The following CDH3 variants were observed in gnomAD, a reference collection of about 807,000 sequenced individuals.
CDH3 encodes cadherin 3.
Under a neutral mutation model 82.0 loss-of-function variants are expected in CDH3, and 54 were observed. The ratio of observed to expected loss-of-function variants is 0.66; its 90% CI spans 0.53 to 0.83. CDH3 has a LOEUF of 0.83. CDH3 is among the 40% of genes least tolerant of loss of function. The pLI, the probability that CDH3 is intolerant of heterozygous loss-of-function variation, is 0.00. For synonymous variants in CDH3, 446 were observed against 437.9 expected (o/e 1.02, Z -0.23); for missense variants, 1,054 against 1,084.6 (o/e 0.97, Z 0.40).
At chr16:68,673,539 GC>G (rs1476521577) in intron 2 of CDH3, among the ~76,000 whole-genome samples, 1 of 151,172 alleles carries the variant, frequency 6.6e-6, no homozygotes, top group East Asian at 1.9e-4. Context: ...GCTCACTGCA[GC>G]TTCAAACTCA....
chr16:68,729,789 A>G (rs1597833670), downstream of CDH3, among the ~76,000 whole-genome samples: 1 of 150,070 alleles, frequency 6.7e-6, no homozygotes, highest in African/African-American at 2.4e-5. Context: ...GCGCCACCAC[A>G]CCAGGCTATT....
At chr16:68,717,761 G>A (rs1323542329) in intron 1 of CDH3, among the ~76,000 whole-genome samples, 11 of 148,288 alleles carry the variant, frequency 7.4e-5, no homozygotes, top group East Asian at 4.0e-4. Context: ...GGATAAGAGC[G>A]AGACATCCTC....
intron 1 of CDH3, among the ~76,000 whole-genome samples, chr16:68,721,422 C>T (rs957432995): frequency 1.1e-4 from 16 of 151,544 alleles, no homozygotes; most frequent in African/African-American, 3.6e-4. Flanking sequence ...TTAGTAGAGA[C>T]GGGGTTTCAC....
At chr16:68,724,052 G>C (rs1198392123) in intron 2 of CDH3, among the ~76,000 whole-genome samples, 3 of 137,002 alleles carry the variant, frequency 2.2e-5, no homozygotes, top group Non-Finnish European at 4.6e-5. Context: ...CTGGGCGACA[G>C]AGCGAGACTC....
intron 2 of CDH3, chr16:68,651,596 C>T: frequency 2.0e-6 from 1 of 504,566 alleles, no homozygotes; most frequent in Non-Finnish European, 3.9e-6. Flanking sequence ...GAGACACCTG[C>T]ACCTGCATCA....
intron 1 of CDH3, among the ~76,000 whole-genome samples, chr16:68,721,522 C>T (rs908877550): frequency 4.6e-5 from 7 of 152,128 alleles, no homozygotes; most frequent in African/African-American, 1.4e-4. Context: ...GCATGAGCCA[C>T]CGCACCCGGC....
rs1216700060 is a variant in CDH3, at chr16:68,676,489, C to T, written c.246+19C>T. The T allele has an allele frequency of 6.3e-7, 1 of 1,580,108 alleles. No individual in the cohort carries two copies. The highest frequency in any genetic ancestry group is 8.7e-7 in the Non-Finnish European group (1 of 1,148,894). ...AGTCCAGGTAAAATACCATGTCCACCTGCAGGACAAAAGAAAGATGTTCTC... is the reference window on the plus strand; with the variant it reads ...AGTCCAGGTAAAATACCATGTCCACTTGCAGGACAAAAGAAAGATGTTCTC... On this transcript the variant is annotated intron_variant, in intron 3 of 15. Coordinates refer to ENST00000264012, the MANE Select transcript of CDH3 (RefSeq NM_001793.6).
chr16:68,732,932 C>A, the CDH3 span, among the ~76,000 whole-genome samples: 16 of 149,658 alleles, frequency 1.1e-4, no homozygotes, highest in East Asian at 3.0e-3. Flanking sequence ...CAAGAGATAA[C>A]CTGAGGAGCT....
Position 68,681,180 on chromosome 16 carries a change from A to C in CDH3, c.996+84A>C, listed in dbSNP as rs534998167. 6.2e-6 allele frequency: 9 copies of C among 1,444,422 alleles called. No homozygotes were observed. In the Admixed American group the frequency reaches 1.3e-4, roughly 22 times the overall value. 89.5% of individuals were successfully genotyped at this position (1,444,422 alleles called of 1,614,324 possible). ...TCTCAGGAAACTGGAACCAGTCTAT[A>C]TTGCTTCAAATGCCAGTCTCAGCAC... On this transcript the variant is annotated intron_variant, in intron 8 of 15. Transcript: ENST00000264012.
At chr16:68,703,271 G>A (rs533905106), downstream of CDH3, among the ~76,000 whole-genome samples, 21 of 152,266 alleles carry the variant, frequency 1.4e-4, no homozygotes, top group African/African-American at 3.8e-4. Flanking sequence ...CTGGGGCCCC[G>A]AATTCCCGGC....
intron 2 of CDH3, among the ~76,000 whole-genome samples, chr16:68,656,196 C>T (rs1960405515): frequency 1.3e-5 from 2 of 151,982 alleles, no homozygotes; most frequent in South Asian, 4.1e-4. Flanking sequence ...TTGGGGAAAT[C>T]CCAGTTGTAC....
intron 6 of CDH3, among the ~76,000 whole-genome samples, chr16:68,679,396 G>A (rs1961138947): frequency 6.6e-6 from 1 of 152,218 alleles, no homozygotes; most frequent in African/African-American, 2.4e-5. Context: ...TGGAGTGTTA[G>A]AACATGGCTG....
rs201299701 is a variant in CDH3, at chr16:68,678,313, C to T, written c.390+36C>T. On this transcript the variant is annotated intron_variant, in intron 4 of 15. Coordinates refer to ENST00000264012, the MANE Select transcript of CDH3 (RefSeq NM_001793.6). The stretch of plus-strand genomic sequence containing the variant: ...GCCTTCTCCTGGGAAGCATTGGTGG[C>T]TCCAGGGACCCCCATCCAAAGGCCT... 1.7e-3 allele frequency: 2,771 copies of T among 1,610,556 alleles called. 6 individuals carry two copies. Among genetic ancestry groups the T allele is most frequent in the Middle Eastern group, 7.9e-3 (48 of 6,052 alleles).
At chr16:68,664,983 C>T (rs1111720) in intron 2 of CDH3, among the ~76,000 whole-genome samples, 28,160 of 152,106 alleles carry the variant, frequency 0.19, 3,047 homozygotes, top group Admixed American at 0.25. Flanking sequence ...CCTATGCTTG[C>T]CTCTATGGCA....
chr16:68,687,573 T>C lies in CDH3; in HGVS notation c.1632T>C (p.His544=), dbSNP rs779777939. The C allele has an allele frequency of 3.1e-6, 5 of 1,614,006 alleles. No individual in the cohort carries two copies. Among genetic ancestry groups the C allele is most frequent in the Non-Finnish European group, 4.2e-6 (5 of 1,180,028 alleles). The change falls in exon 12 of 16, where the codon CAT becomes CAC. Residue 544 remains histidine, a synonymous_variant. Coordinates refer to ENST00000264012, the MANE Select transcript of CDH3 (RefSeq NM_001793.6). ...LLLTLIDVND[H]GPVPEPRQIT... Reference sequence around the variant, plus strand: ...TAACACTGATTGATGTCAATGACCATGGCCCAGTCCCTGAGCCCCGTCAGA... The same window carrying C: ...TAACACTGATTGATGTCAATGACCACGGCCCAGTCCCTGAGCCCCGTCAGA...
At chr16:68,656,903 T>C (rs1469546198) in intron 2 of CDH3, among the ~76,000 whole-genome samples, 2 of 152,138 alleles carry the variant, frequency 1.3e-5, no homozygotes, top group Admixed American at 6.5e-5. Context: ...AGGGTTCAGA[T>C]ACCAGGTCTG....
chr16:68,651,488 C>G (rs539672970), intron 2 of CDH3: 23 of 407,894 alleles, frequency 5.6e-5, no homozygotes, highest in South Asian at 4.7e-4. Flanking sequence ...TCATGGTGTT[C>G]TAGTCGAAGT....
At chr16:68,719,901 C>T (rs1342011935) in intron 1 of CDH3, among the ~76,000 whole-genome samples, 1 of 152,062 alleles carries the variant, frequency 6.6e-6, no homozygotes, top group African/African-American at 2.4e-5. Context: ...TGCATGTAAT[C>T]CCAACACTTT....
chr16:68,680,658 G>T (rs553678637), intron 7 of CDH3, among the ~76,000 whole-genome samples: 4 of 152,196 alleles, frequency 2.6e-5, no homozygotes. Flanking sequence ...CAACCTGGGC[G>T]ACAGGGCAAG....
Sources: gnomAD v4.1 joint callset for allele counts (sites outside exome capture counted in the v4.1 genomes callset) on GRCh38, gnomAD v4.1.1 for gene constraint, MANE v1.5 for transcripts, NCBI Gene and HGNC (gene_info 2026-07-23, HGNC 2026-07-21) for gene names.